The following DLG2 variants were observed in gnomAD, a reference collection of about 807,000 sequenced individuals.
DLG2 encodes discs large MAGUK scaffold protein 2, also known as disks large homolog 2.
DLG2 carries 45 observed loss-of-function variants against 132.5 expected under a neutral mutation model. The ratio of observed to expected loss-of-function variants is 0.34; its 90% CI spans 0.27 to 0.44. DLG2 has a LOEUF of 0.44. Ranked by LOEUF, DLG2 falls within the 20% of genes least tolerant of loss-of-function variation. DLG2 has a pLI of 1.00. For missense variants in DLG2, 1,045 were observed against 1,196.9 expected, an observed-to-expected ratio of 0.87 and a Z score of 1.87; for synonymous variants, 424 against 419.6, an observed-to-expected ratio of 1.01 and a Z score of -0.13.
At chr11:84,343,354 A>G (rs920683763) in intron 7 of DLG2, among the ~76,000 whole-genome samples, 3 of 152,216 alleles carry the variant, frequency 2.0e-5, no homozygotes, top group Non-Finnish European at 2.9e-5. Context: ...TTTATAATAT[A>G]TCCCCCCAAC....
intron 6 of DLG2, among the ~76,000 whole-genome samples, chr11:84,658,398 G>T (rs767228154): frequency 1.3e-5 from 2 of 152,080 alleles, no homozygotes; most frequent in Non-Finnish European, 2.9e-5. Flanking sequence ...AAGGTGGGGC[G>T]TTTGAGCAGT....
At chr11:84,873,297 A>G (rs1266910661) in intron 6 of DLG2, among the ~76,000 whole-genome samples, 1 of 152,198 alleles carries the variant, frequency 6.6e-6, no homozygotes, top group Non-Finnish European at 1.5e-5. Flanking sequence ...GCCACAAGCA[A>G]AGAAATGCAG....
chr11:83,980,404 T>C, intron 12 of DLG2, 102 bp downstream of exon 12: 3 of 1,294,770 alleles, frequency 2.3e-6, no homozygotes, highest in Non-Finnish European at 3.1e-6. Flanking sequence ...CCACCCACCC[T>C]GTGGTATTTT....
intron 7 of DLG2, among the ~76,000 whole-genome samples, chr11:84,313,674 A>AAAGAAAGAAAGAAAGAAAGAAAGAAAGG (rs1555500647): frequency 9.9e-5 from 15 of 151,892 alleles, no homozygotes; most frequent in African/African-American, 3.6e-4. Context: ...AGAAAGAAAG[A>AAAGAAAGAAAGAAAGAAAGAAAGAAAGG]AAGAAAGAAA....
At position 84,559,268 on chromosome 11, in the gene DLG2, A is replaced by G. The variant is rs147487754; in HGVS notation, c.358-24537T>C. On this transcript the variant is annotated intron_variant, in intron 6 of 27. Transcript: ENST00000376104. ...AAAAATCATTTAAAAGTAAACAAAC[A>G]CTGAGTTGGTTGTTAACCAGACACA... Among the ~76,000 whole-genome samples, 1,338 of 152,196 alleles carry G rather than the reference A, an allele frequency of 8.8e-3. 67 individuals carry two copies. Among genetic ancestry groups the G allele is most frequent in the Non-Finnish European group, 1.6e-3 (109 of 68,000 alleles).
At chr11:84,304,435 A>T (rs1324559850) in intron 7 of DLG2, among the ~76,000 whole-genome samples, 1 of 152,260 alleles carries the variant, frequency 6.6e-6, no homozygotes, top group Non-Finnish European at 1.5e-5. Context: ...GACTTTTTAA[A>T]AAATGGATAG....
At chr11:85,227,229 G>A (rs1216434956) in intron 4 of DLG2, among the ~76,000 whole-genome samples, 1 of 151,960 alleles carries the variant, frequency 6.6e-6, no homozygotes, top group African/African-American at 2.4e-5. Flanking sequence ...AATAAGCTAA[G>A]CTATAAATAA....
At chr11:85,153,210 T>A (rs2077372283) in intron 5 of DLG2, among the ~76,000 whole-genome samples, 1 of 152,192 alleles carries the variant, frequency 6.6e-6, no homozygotes, top group Admixed American at 6.5e-5. Flanking sequence ...AAGATACAAA[T>A]CCTGGTCTCT....
chr11:85,191,157 C>CGT (rs1491140888), intron 4 of DLG2, among the ~76,000 whole-genome samples: 7 of 117,142 alleles, frequency 6.0e-5, no homozygotes, highest in East Asian at 2.6e-4. Flanking sequence ...CGCGCGCGCA[C>CGT]GCGCGCACAC....
chr11:84,676,075 A>G (rs1417770271), intron 6 of DLG2, among the ~76,000 whole-genome samples: 2 of 152,068 alleles, frequency 1.3e-5, no homozygotes, highest in Non-Finnish European at 2.9e-5. Context: ...TTTACTAGTA[A>G]CAAGGGTGGT....
chr11:83,620,293 T>C (rs1222063225), intron 19 of DLG2, among the ~76,000 whole-genome samples: 2 of 152,146 alleles, frequency 1.3e-5, no homozygotes, highest in African/African-American at 2.4e-5. Context: ...CACACAAAAT[T>C]GTATGTATAA....
At chr11:84,703,150 T>C (rs1164731278) in intron 6 of DLG2, among the ~76,000 whole-genome samples, 1 of 151,686 alleles carries the variant, frequency 6.6e-6, no homozygotes, top group Non-Finnish European at 1.5e-5. Flanking sequence ...TTAAGCAGAA[T>C]CCACACTCTC....
intron 7 of DLG2, among the ~76,000 whole-genome samples, chr11:84,252,188 C>A (rs566212267): frequency 9.0e-6 from 1 of 111,364 alleles, no homozygotes; most frequent in East Asian, 2.9e-4. Context: ...GTTCCTCTGT[C>A]GCCCATGCTG....
At chr11:84,641,940 TAC>T (rs1250749515) in intron 6 of DLG2, among the ~76,000 whole-genome samples, 1 of 150,798 alleles carries the variant, frequency 6.6e-6, no homozygotes, top group Non-Finnish European at 1.5e-5. Context: ...CACACACACA[TAC>T]ACACATCCAT....
Position 84,124,352 on chromosome 11 carries a change from C to A in DLG2, c.625-25305G>T, listed in dbSNP as rs1347997669. Reference sequence around the variant, plus strand: ...ACCTGACAATGGAAAAGAGCAGACTCCCCTTACCTCACAGGTTGTAAGATC... The same window carrying A: ...ACCTGACAATGGAAAAGAGCAGACTACCCTTACCTCACAGGTTGTAAGATC... On this transcript the variant is annotated intron_variant, in intron 9 of 27. Coordinates refer to ENST00000376104, the MANE Select transcript of DLG2 (RefSeq NM_001142699.3). Among the ~76,000 whole-genome samples, 3 of 152,220 alleles carry A rather than the reference C, an allele frequency of 2.0e-5. No individual in the cohort carries two copies. The East Asian group carries it at 5.8e-4, about 29-fold the overall frequency.
chr11:85,272,433 A>G (rs1189799044), intron 4 of DLG2, among the ~76,000 whole-genome samples: 1 of 152,204 alleles, frequency 6.6e-6, no homozygotes. Context: ...AATCTGTAGG[A>G]TAGGCTAGAA....
chr11:85,572,160 C>T (rs1382924076), intron 3 of DLG2, among the ~76,000 whole-genome samples: 1 of 152,074 alleles, frequency 6.6e-6, no homozygotes, highest in Non-Finnish European at 1.5e-5. Context: ...TTTTTATTTG[C>T]TTTTATGGAG....
At chr11:83,797,198 T>G (rs1257996199) in intron 17 of DLG2, among the ~76,000 whole-genome samples, 1 of 150,910 alleles carries the variant, frequency 6.6e-6, no homozygotes, top group African/African-American at 2.5e-5. Context: ...GGAACAAATG[T>G]GAGAAAGAAG....
intron 6 of DLG2, among the ~76,000 whole-genome samples, chr11:85,087,938 A>T (rs2068207975): frequency 6.6e-6 from 1 of 152,012 alleles, no homozygotes; most frequent in African/African-American, 2.4e-5. Context: ...CAATAAAAAG[A>T]CATTAAAATG....
Sources: allele counts gnomAD v4.1 joint callset (sites outside exome capture counted in the v4.1 genomes callset), GRCh38; gene constraint gnomAD v4.1.1; transcripts MANE v1.5; gene names NCBI Gene and HGNC (gene_info 2026-07-23, HGNC 2026-07-21).